Variants in SPSB4 observed in about 807,000 individuals in gnomAD.
The protein encoded by SPSB4 is SPRY domain-containing SOCS box protein 4.
Under a neutral mutation model 20.9 loss-of-function variants are expected in SPSB4, and 21 were observed. The observed-to-expected ratio is 1.01, with a 90% CI of 0.71 to 1.45. The LOEUF (loss-of-function observed/expected upper bound fraction) is 1.45, where lower values mean the gene tolerates loss of function less well. Ranked by LOEUF, SPSB4 falls within the 40% of genes most tolerant of loss-of-function variation. The pLI, the probability that SPSB4 is intolerant of heterozygous loss-of-function variation, is 0.00. For missense variants in SPSB4, 399 were observed against 399.2 expected (o/e 1.00, Z 0.00); for synonymous variants, 207 against 183.8 (o/e 1.13, Z -1.02).
At position 141,147,647 on chromosome 3, in the gene SPSB4, G is replaced by A. The variant is rs948886844; in HGVS notation, c.*378G>A. ...CAGGAGACTTTCTATTGTGTGCCCC[G>A]TTGCAGACAGGGCCAGGGAGAAATT... On this transcript the variant is annotated 3_prime_UTR_variant, in exon 3 of 3. Transcript: ENST00000310546. 9 of 183,118 alleles carry A rather than the reference G, an allele frequency of 4.9e-5. No individual in the cohort carries two copies. The highest frequency in any genetic ancestry group is 1.4e-4 in the South Asian group (1 of 7,136). 11.3% of individuals were successfully genotyped at this position (183,118 alleles called of 1,614,324 possible). A position where few individuals can be genotyped will look rare whatever the true frequency, so the allele number is the denominator to read the frequency against.
intron 2 of SPSB4, among the ~76,000 whole-genome samples, chr3:141,069,904 A>G (rs1348399633): frequency 1.3e-5 from 2 of 152,162 alleles, no homozygotes; most frequent in East Asian, 3.8e-4. Flanking sequence ...CAATTTTTGA[A>G]TTTTTATTAC....
At chr3:141,132,223 A>G (rs1391823217) in intron 2 of SPSB4, 5 of 429,726 alleles carry the variant, frequency 1.2e-5, no homozygotes, top group South Asian at 8.0e-5. Context: ...GCCAAAGTGC[A>G]GTGGCACGAT....
chr3:141,123,414 A>G (rs1939001737), intron 2 of SPSB4, among the ~76,000 whole-genome samples: 1 of 152,216 alleles, frequency 6.6e-6, no homozygotes, highest in African/African-American at 2.4e-5. Flanking sequence ...TTTTGTACAC[A>G]GATGTGTGCC....
intron 2 of SPSB4, among the ~76,000 whole-genome samples, chr3:141,076,737 T>A (rs1304506883): frequency 6.6e-6 from 1 of 152,176 alleles, no homozygotes; most frequent in African/African-American, 2.4e-5. Flanking sequence ...CAGGGTCACG[T>A]TGAGTCTTCA....
intron 2 of SPSB4, among the ~76,000 whole-genome samples, chr3:141,146,788 A>AG (rs898942154): frequency 1.3e-5 from 2 of 150,920 alleles, no homozygotes; most frequent in African/African-American, 4.9e-5. Flanking sequence ...AAAAAAAAAA[A>AG]GACACGCTGA....
chr3:141,117,042 G>C (rs1220202132), intron 2 of SPSB4: 1 of 152,144 alleles, frequency 6.6e-6, no homozygotes, highest in East Asian at 1.9e-4. Flanking sequence ...ATTATCTGTG[G>C]TTATTGATGT....
chr3:141,147,257 G>T lies in SPSB4; in HGVS notation c.810G>T (p.Leu270=), dbSNP rs760379704. 6.8e-6 allele frequency: 11 copies of T among 1,614,214 alleles called. No homozygotes were observed. The highest frequency in any genetic ancestry group is 1.3e-5 in the African/African-American group (1 of 75,058). The change falls in exon 3 of 3, where the codon CTG becomes CTT. Residue 270 remains leucine (L), a synonymous_variant. Transcript: ENST00000310546. ...TGCCTCAGTCTCTCAAAAACTATCT[G>T]CAGTACCAGTGAGCCAAGCCTGATG... ...LPLPQSLKNY[L]QYQ
At chr3:141,129,149 G>C (rs1436563352) in intron 2 of SPSB4, among the ~76,000 whole-genome samples, 1 of 152,228 alleles carries the variant, frequency 6.6e-6, no homozygotes, top group Non-Finnish European at 1.5e-5. Context: ...GGGAAGGCCA[G>C]ACCCTTGAGT....
Position 141,066,226 on chromosome 3 carries a change from T to A in SPSB4, c.122T>A (p.Leu41Ter). ...CGGCCGGCGCGGCTGGACCAGCTGT[T>A]GGACATGCCAGCGGCGGGGCTGGCT... ...PGRPARLDQL[L>*]DMPAAGLAVQ... Residue 41 changes from leucine to a stop codon, truncating the protein, a stop_gained, in exon 2 of 3, where the codon TTG becomes TAG. Transcript: ENST00000310546. LOFTEE classifies it high-confidence loss of function. 3.2e-6 allele frequency: 5 copies of A among 1,555,618 alleles called. No individual in the cohort carries two copies. Among genetic ancestry groups the A allele is most frequent in the Non-Finnish European group, 4.3e-6 (5 of 1,152,698 alleles).
In SPSB4 at chr3:141,063,615, C is replaced by T. The variant is rs564581859; in HGVS notation, c.-153-2337C>T. 3.3e-5 allele frequency among the ~76,000 whole-genome samples: 5 copies of T among 152,308 alleles called. No individual in the cohort carries two copies. In the East Asian group the frequency reaches 7.7e-4, roughly 23 times the overall value. On this transcript the variant is annotated intron_variant, in intron 1 of 2. Coordinates refer to ENST00000310546, the MANE Select transcript of SPSB4 (RefSeq NM_080862.3). ...AATAATCAATCACAAAATTAGTTTA[C>T]AAATTTGGTTCCCATTTTTATCTGC...
At position 141,147,284 on chromosome 3, in the gene SPSB4, G is replaced by A. The variant is rs758875764; in HGVS notation, c.*15G>A. ...AGTACCAGTGAGCCAAGCCTGATGG[G>A]CAGCACAGACACAGACACACACCGC... On this transcript the variant is annotated 3_prime_UTR_variant, in exon 3 of 3. Coordinates refer to ENST00000310546, the MANE Select transcript of SPSB4 (RefSeq NM_080862.3). 6.2e-7 allele frequency: 1 copy of A among 1,614,082 alleles called. No homozygotes were observed. Among genetic ancestry groups the A allele is most frequent in the South Asian group, 1.1e-5 (1 of 91,068 alleles).
chr3:141,062,485 C>A (rs1477797295), intron 1 of SPSB4, among the ~76,000 whole-genome samples: 1 of 152,032 alleles, frequency 6.6e-6, no homozygotes, highest in African/African-American at 2.4e-5. Flanking sequence ...ATGCTCCATT[C>A]ATTTTTTAAA....
At chr3:141,083,719 C>G (rs933708908) in intron 2 of SPSB4, among the ~76,000 whole-genome samples, 17 of 152,174 alleles carry the variant, frequency 1.1e-4, no homozygotes, top group African/African-American at 3.1e-4. Context: ...CTAAAGTCCT[C>G]TTTAATGACC....
In SPSB4 at chr3:141,093,783, G is replaced by T. The variant is rs185753280; in HGVS notation, c.694+26985G>T. ...GACCAGAAGCCAGGGGTCCTCACCA[G>T]CTGGGCATGAAGAGCCCTGTGCCCA... is the stretch of plus-strand genomic sequence containing the variant. On this transcript the variant is annotated intron_variant, in intron 2 of 2. Coordinates refer to ENST00000310546, the MANE Select transcript of SPSB4 (RefSeq NM_080862.3). Among the ~76,000 whole-genome samples, 843 of 152,320 alleles carry T rather than the reference G, an allele frequency of 5.5e-3. 8 individuals carry two copies. The highest frequency in any genetic ancestry group is 0.019 in the African/African-American group (806 of 41,566).
chr3:141,116,678 A>G (rs1277374698), intron 2 of SPSB4, among the ~76,000 whole-genome samples: 2 of 152,250 alleles, frequency 1.3e-5, no homozygotes, highest in Non-Finnish European at 2.9e-5. Context: ...TTGGGTTGTT[A>G]TGAGGATTAA....
chr3:141,126,724 A>G (rs1437183640), intron 2 of SPSB4, among the ~76,000 whole-genome samples: 25 of 152,244 alleles, frequency 1.6e-4, no homozygotes, highest in Non-Finnish European at 4.4e-5. Flanking sequence ...CGTCAGAGAC[A>G]GGTCCACGAG....
chr3:141,110,968 A>G (rs1422190476), intron 2 of SPSB4, among the ~76,000 whole-genome samples: 1 of 152,176 alleles, frequency 6.6e-6, no homozygotes, highest in Non-Finnish European at 1.5e-5. Flanking sequence ...TTCCCCCAGA[A>G]ACCTGTGCAT....
intron 2 of SPSB4, among the ~76,000 whole-genome samples, chr3:141,123,590 G>A (rs1018430575): frequency 1.3e-5 from 2 of 152,182 alleles, no homozygotes; most frequent in African/African-American, 2.4e-5. Context: ...GAGATGCCAC[G>A]GGGAATTGGG....
intron 2 of SPSB4, among the ~76,000 whole-genome samples, chr3:141,145,102 G>A (rs1576546279): frequency 6.6e-6 from 1 of 151,716 alleles, no homozygotes; most frequent in Non-Finnish European, 1.5e-5. Context: ...GGCTTCCCCT[G>A]TCCAGCCTCA....
Sources: allele counts gnomAD v4.1 joint callset (sites outside exome capture counted in the v4.1 genomes callset), GRCh38; gene constraint gnomAD v4.1.1; transcripts MANE v1.5; gene names NCBI Gene and HGNC (gene_info 2026-07-23, HGNC 2026-07-21).